Variants in SPOCK3 observed in about 807,000 individuals in gnomAD.
SPOCK3 encodes the protein testican-3.
SPOCK3 carries 30 observed loss-of-function variants against 56.6 expected under a neutral mutation model. The observed-to-expected ratio is 0.53, with a 90% confidence interval of 0.40 to 0.72. The LOEUF (loss-of-function observed/expected upper bound fraction) is 0.72, where lower values mean the gene tolerates loss of function less well. SPOCK3 is among the 30% of genes least tolerant of loss of function. The pLI is 0.00. For missense variants in SPOCK3, 527 were observed against 530.0 expected (o/e 0.99, Z 0.06); for synonymous variants, 196 against 183.3 (o/e 1.07, Z -0.56).
intron 6 of SPOCK3, among the ~76,000 whole-genome samples, chr4:166,828,533 T>C (rs1201427866): frequency 2.0e-5 from 3 of 151,922 alleles, no homozygotes; most frequent in Admixed American, 6.6e-5. Flanking sequence ...ATACCCAGAG[T>C]TGTCTCACAG....
At chr4:166,840,784 T>G (rs980798138) in intron 6 of SPOCK3, among the ~76,000 whole-genome samples, 5 of 140,800 alleles carry the variant, frequency 3.6e-5, no homozygotes, top group Admixed American at 2.1e-4. Context: ...TTTTTTTTTT[T>G]TTTTTTTTTT....
rs201774943 is a variant in SPOCK3, at chr4:167,234,082, C to T, written c.92G>A (p.Gly31Glu). 737 of 1,613,806 alleles carry T rather than the reference C, an allele frequency of 4.6e-4. 1 individual carries two copies. The highest frequency in any genetic ancestry group is 5.6e-4 in the Non-Finnish European group (666 of 1,180,010). The change falls in exon 2 of 11, where the codon GGG becomes GAG. Residue 31 changes from glycine (G) to glutamate (E), a missense_variant. Physicochemically the swap from Gly to Glu is moderately conservative, Grantham distance 98. Coordinates refer to ENST00000357545, the MANE Select transcript of SPOCK3 (RefSeq NM_001040159.2). ...CAGAAAATTACCGCCGTCCGACCGC[C>T]CCCCGGCTGCAGCCACCGCCGCGGC... ...AAAAAVAAAG[G>E]RSDGGNFLDD...
chr4:166,977,592 T>A (rs1336136928), intron 4 of SPOCK3, among the ~76,000 whole-genome samples: 3 of 152,112 alleles, frequency 2.0e-5, no homozygotes, highest in African/African-American at 7.2e-5. Context: ...TAATGTGTAA[T>A]ATGGATTGAT....
At chr4:166,818,165 A>G (rs1744568349) in intron 6 of SPOCK3, among the ~76,000 whole-genome samples, 1 of 152,004 alleles carries the variant, frequency 6.6e-6, no homozygotes, top group Admixed American at 6.6e-5. Flanking sequence ...AAGTCACTTA[A>G]CATAATATTC....
intron 4 of SPOCK3, among the ~76,000 whole-genome samples, chr4:166,948,886 G>C (rs1366476588): frequency 6.6e-6 from 1 of 151,934 alleles, no homozygotes. Flanking sequence ...CTGAATGTTG[G>C]CCTGCCTTGC....
At chr4:166,958,215 A>G (rs1210634354) in intron 4 of SPOCK3, among the ~76,000 whole-genome samples, 2 of 152,072 alleles carry the variant, frequency 1.3e-5, no homozygotes, top group Admixed American at 6.5e-5. Flanking sequence ...TTAAAAGTGT[A>G]TGCATCTTCC....
intron 3 of SPOCK3, among the ~76,000 whole-genome samples, chr4:167,027,122 G>T (rs1250729260): frequency 6.6e-6 from 1 of 151,846 alleles, no homozygotes; most frequent in African/African-American, 2.4e-5. Context: ...ATTCTTCAGG[G>T]AAGTTTTTCC....
intron 2 of SPOCK3, among the ~76,000 whole-genome samples, chr4:167,192,421 T>A (rs1732550807): frequency 6.9e-6 from 1 of 145,978 alleles, no homozygotes; most frequent in South Asian, 2.1e-4. Flanking sequence ...TCCTGGGCTT[T>A]TATTTGTTGA....
intron 5 of SPOCK3, among the ~76,000 whole-genome samples, chr4:166,890,611 T>C (rs1404035232): frequency 1.3e-5 from 2 of 152,052 alleles, no homozygotes; most frequent in Non-Finnish European, 2.9e-5. Flanking sequence ...TAAGTATTTT[T>C]CATTTATTTC....
In SPOCK3 at chr4:167,091,233, A is replaced by G. The variant is rs141838623; in HGVS notation, c.190-28696T>C. On this transcript the variant is annotated intron_variant, in intron 2 of 10. Coordinates refer to ENST00000357545, the MANE Select transcript of SPOCK3 (RefSeq NM_001040159.2). ...ATTTCACTTATTTTAAAGGACTTTG[A>G]AATATTTAAATACCTACATGGTATA... is the stretch of plus-strand genomic sequence containing the variant. Among the ~76,000 whole-genome samples the G allele has an allele frequency of 1.3e-3, 194 of 152,290 alleles. 4 individuals carry two copies. The East Asian group carries it at 0.035, about 27-fold the overall frequency.
At chr4:167,168,378 T>C (rs1324874340) in intron 2 of SPOCK3, among the ~76,000 whole-genome samples, 2 of 152,098 alleles carry the variant, frequency 1.3e-5, no homozygotes, top group African/African-American at 4.8e-5. Context: ...GGCAGGAAGA[T>C]GTGGCAAAGT....
At chr4:167,055,947 C>A (rs1754781896) in intron 3 of SPOCK3, among the ~76,000 whole-genome samples, 1 of 152,182 alleles carries the variant, frequency 6.6e-6, no homozygotes, top group African/African-American at 2.4e-5. Context: ...TTGAAGAGAG[C>A]AGTGGTTCTC....
chr4:166,925,215 A>G (rs1738948824), intron 4 of SPOCK3, among the ~76,000 whole-genome samples: 1 of 152,214 alleles, frequency 6.6e-6, no homozygotes. Flanking sequence ...CATATAATGT[A>G]ATGTATCACT....
At chr4:166,768,165 A>G (rs1020828786) in intron 7 of SPOCK3, among the ~76,000 whole-genome samples, 13 of 152,182 alleles carry the variant, frequency 8.5e-5, no homozygotes, top group African/African-American at 2.7e-4. Context: ...GTGTCTTTTA[A>G]TTCGAGCATT....
chr4:167,160,847 C>T (rs1281831661), intron 2 of SPOCK3, among the ~76,000 whole-genome samples: 1 of 152,116 alleles, frequency 6.6e-6, no homozygotes, highest in Non-Finnish European at 1.5e-5. Context: ...ATGTAGAAAG[C>T]TGAAACTGCA....
At chr4:167,066,844 C>A (rs930992125) in intron 2 of SPOCK3, among the ~76,000 whole-genome samples, 2 of 151,850 alleles carry the variant, frequency 1.3e-5, no homozygotes, top group Non-Finnish European at 2.9e-5. Context: ...AAACACCACA[C>A]CCAGTATGGA....
intron 2 of SPOCK3, among the ~76,000 whole-genome samples, chr4:167,215,353 C>T (rs187722809): frequency 4.2e-4 from 64 of 152,190 alleles, no homozygotes; most frequent in African/African-American, 1.5e-3. Flanking sequence ...TCTTAAGAAA[C>T]ACGGCTCTTT....
intron 3 of SPOCK3, among the ~76,000 whole-genome samples, chr4:167,025,865 C>T (rs1751650951): frequency 6.6e-6 from 1 of 152,048 alleles, no homozygotes; most frequent in East Asian, 1.9e-4. Flanking sequence ...ACTTACACAA[C>T]CTAAATGGTA....
At chr4:166,815,362 A>G (rs1744280718) in intron 6 of SPOCK3, among the ~76,000 whole-genome samples, 1 of 152,112 alleles carries the variant, frequency 6.6e-6, no homozygotes, top group African/African-American at 2.4e-5. Context: ...AATACTGACC[A>G]TACTGACCTT....
Sources: allele counts gnomAD v4.1 joint callset (sites outside exome capture counted in the v4.1 genomes callset), GRCh38; gene constraint gnomAD v4.1.1; transcripts MANE v1.5; gene names NCBI Gene and HGNC (gene_info 2026-07-23, HGNC 2026-07-21).